TK2: variants seen among roughly 807,000 people sequenced by gnomAD.
The protein encoded by TK2 is thymidine kinase 2, mitochondrial.
A neutral mutation model predicts 41.9 loss-of-function variants in TK2; 35 were observed. That is an observed-to-expected ratio of 0.84 (90% confidence interval 0.64 to 1.11). The LOEUF (loss-of-function observed/expected upper bound fraction) is 1.11, where lower values mean the gene tolerates loss of function less well. TK2 is among the 50% of genes least tolerant of loss of function. The pLI, the probability that TK2 is intolerant of heterozygous loss-of-function variation, is 0.00. For synonymous variants in TK2, 128 were observed against 129.1 expected, an observed-to-expected ratio of 0.99 and a Z score of 0.06; for missense variants, 320 against 351.1, an observed-to-expected ratio of 0.91 and a Z score of 0.71.
At position 66,517,326 on chromosome 16, in the gene TK2, G is replaced by A. The variant is rs904724775; in HGVS notation, c.539-111C>T. On this transcript the variant is annotated intron_variant, in intron 7 of 9. Transcript: ENST00000544898. This position sits in a 1 kb window ranked among gnomAD's most constrained non-coding sequence, Gnocchi z 4.3. ...TCTGCACAGCTCGAGCAGGAAGCAG[G>A]GAGGGCCAGCTCTTGGCTTGACCAC... 1.1e-6 allele frequency: 1 copy of A among 920,502 alleles called. No homozygotes were observed. The highest frequency in any genetic ancestry group is 1.7e-5 in the Admixed American group (1 of 58,952). 57.0% of individuals were successfully genotyped at this position (920,502 alleles called of 1,614,324 possible).
rs369868888 is a variant in TK2 at position 66,511,517 on chromosome 16, C to T, written c.*451G>A. 92 of 286,732 alleles carry T rather than the reference C, an allele frequency of 3.2e-4. No homozygotes were observed. The highest frequency in any genetic ancestry group is 2.0e-3 in the African/African-American group (89 of 45,446). 17.8% of individuals were successfully genotyped at this position (286,732 alleles called of 1,614,324 possible). On this transcript the variant is annotated 3_prime_UTR_variant, in exon 10 of 10. Transcript: ENST00000544898. ...GAAAGTCTGAATGGTGCCAGCTCCACTGCACACAGGCTGTGTGACCTCTGG... is the reference window on the plus strand; with the variant it reads ...GAAAGTCTGAATGGTGCCAGCTCCATTGCACACAGGCTGTGTGACCTCTGG...
At chr16:66,548,729 C>G in intron 2 of TK2, 2 of 498,096 alleles carry the variant, frequency 4.0e-6, no homozygotes, top group East Asian at 3.3e-5. Context: ...TAAGCTTTAA[C>G]AGCCCAAATC....
chr16:66,521,953 G>A (rs1443353618), intron 6 of TK2, among the ~76,000 whole-genome samples: 4 of 152,228 alleles, frequency 2.6e-5, no homozygotes, highest in Non-Finnish European at 4.4e-5. Context: ...CCCCCAGTCT[G>A]TGCGGAATGG....
chr16:66,534,994 T>C (rs1240261450), intron 4 of TK2, among the ~76,000 whole-genome samples: 1 of 152,186 alleles, frequency 6.6e-6, no homozygotes, highest in African/African-American at 2.4e-5. Context: ...TTTCCTCATT[T>C]TTGCTTTTCA....
chr16:66,550,240 C>T, upstream of TK2: 1 of 1,605,916 alleles, frequency 6.2e-7, no homozygotes, highest in Non-Finnish European at 8.5e-7. Context: ...CCGCTGGCAG[C>T]CAGAAGCCTT....
chr16:66,529,671 C>A (rs1230669024), intron 5 of TK2, among the ~76,000 whole-genome samples: 1 of 152,186 alleles, frequency 6.6e-6, no homozygotes, highest in Non-Finnish European at 1.5e-5. Context: ...CTCTGGGAAG[C>A]AAGAGGCGCC....
chr16:66,523,867 C>T (rs1597085873), intron 6 of TK2, among the ~76,000 whole-genome samples: 1 of 152,134 alleles, frequency 6.6e-6, no homozygotes, highest in Non-Finnish European at 1.5e-5. Flanking sequence ...AAAAACCCCA[C>T]ATCTACTTTC....
intron 3 of TK2, among the ~76,000 whole-genome samples, chr16:66,539,593 T>C (rs1255679191): frequency 1.9e-5 from 2 of 105,822 alleles, no homozygotes; most frequent in Admixed American, 2.7e-4. Flanking sequence ...AGAGCAAGAC[T>C]CCATCTCAGA....
chr16:66,549,638 G>T (rs1238075055), intron 1 of TK2: 40 of 1,187,426 alleles, frequency 3.4e-5, no homozygotes, highest in Non-Finnish European at 3.8e-5. Flanking sequence ...AAGGTCGAAA[G>T]AATCGGGACA....
chr16:66,526,726 T>C (rs1964943490), intron 6 of TK2, among the ~76,000 whole-genome samples: 1 of 152,262 alleles, frequency 6.6e-6, no homozygotes, highest in East Asian at 1.9e-4. Flanking sequence ...CACTACAGTC[T>C]GGGTGACAGA....
intron 4 of TK2, among the ~76,000 whole-genome samples, chr16:66,533,237 A>AT (rs1192529779): frequency 7.2e-6 from 1 of 138,786 alleles, no homozygotes; most frequent in Non-Finnish European, 1.5e-5. Flanking sequence ...ACCCAGCTAA[A>AT]TTTTTTTGTA....
Position 66,514,745 on chromosome 16 carries a change from G to C in TK2, c.619-934C>G, listed in dbSNP as rs942346564. Among the ~76,000 whole-genome samples the C allele has an allele frequency of 6.6e-6, 1 of 152,206 alleles. No homozygotes were observed. The highest frequency in any genetic ancestry group is 1.5e-5 in the Non-Finnish European group (1 of 68,042). ...CTAATAGAAAAGGGGGAAATGTGGG[G>C]AAAAGAAAGATCAGATTGTTACTGT... On this transcript the variant is annotated intron_variant, in intron 8 of 9. Coordinates refer to ENST00000544898, the MANE Select transcript of TK2 (RefSeq NM_004614.5). The surrounding 1 kb of genome is among the most constrained non-coding windows in gnomAD (Gnocchi z 4.2).
chr16:66,540,076 T>C (rs1965410159), intron 3 of TK2, among the ~76,000 whole-genome samples: 1 of 152,214 alleles, frequency 6.6e-6, no homozygotes, highest in Non-Finnish European at 1.5e-5. Context: ...AACTCTTTCC[T>C]GCACAGCAGC....
intron 3 of TK2, among the ~76,000 whole-genome samples, chr16:66,541,487 G>A (rs540254378): frequency 5.3e-5 from 8 of 152,120 alleles, no homozygotes; most frequent in South Asian, 2.1e-4. Flanking sequence ...ATGCAATGGC[G>A]TGATCTCAGC....
chr16:66,541,823 T>A (rs1358296034), intron 3 of TK2, 56 bp downstream of exon 3: 7 of 1,584,996 alleles, frequency 4.4e-6, no homozygotes, highest in Non-Finnish European at 6.1e-6. Flanking sequence ...ACACCCTCTA[T>A]AAATTATCCC....
At position 66,528,555 on chromosome 16, in the gene TK2, C is replaced by T. The variant is rs140315155; in HGVS notation, c.449+439G>A. 2.8e-3 allele frequency among the ~76,000 whole-genome samples: 426 copies of T among 152,326 alleles called. 6 individuals are homozygous for T. The highest frequency in any genetic ancestry group is 0.024 in the Admixed American group (365 of 15,312). Reference sequence around the variant, plus strand: ...GTGATCTGCTTTGGCCAATGGAATGCTAGCAAACTTGGAGCAGAGGCCTGA... The same window carrying T: ...GTGATCTGCTTTGGCCAATGGAATGTTAGCAAACTTGGAGCAGAGGCCTGA... On this transcript the variant is annotated intron_variant, in intron 6 of 9. Transcript: ENST00000544898.
chr16:66,540,773 T>C (rs1408136037), intron 3 of TK2, among the ~76,000 whole-genome samples: 1 of 152,260 alleles, frequency 6.6e-6, no homozygotes, highest in Non-Finnish European at 1.5e-5. Context: ...GTCACACTTC[T>C]AGCCCTGCTC....
intron 4 of TK2, among the ~76,000 whole-genome samples, chr16:66,535,399 A>C (rs1471114627): frequency 6.6e-6 from 1 of 152,190 alleles, no homozygotes; most frequent in East Asian, 1.9e-4. Context: ...TTAATAACTA[A>C]GCCTGGGTTC....
Position 66,517,192 on chromosome 16 carries a change from T to C in TK2, c.562A>G (p.Thr188Ala), listed in dbSNP as rs281865495. 7.4e-6 allele frequency: 12 copies of C among 1,614,038 alleles called. No homozygotes were observed. The highest frequency in any genetic ancestry group is 8.5e-7 in the Non-Finnish European group (1 of 1,180,020). Residue 188 changes from threonine to alanine, a missense_variant, in exon 8 of 10, where the codon ACT becomes GCT. Thr to Ala is a moderately conservative substitution (Grantham distance 58). Coordinates refer to ENST00000544898, the MANE Select transcript of TK2 (RefSeq NM_004614.5). This position sits in a 1 kb window ranked among gnomAD's most constrained non-coding sequence, Gnocchi z 4.3. ...CTCTTCTTTAACCTCTGGTAACAAG[T>C]CTCAGGATTGGTCCGAAGGTAAACT... is the stretch of plus-strand genomic sequence containing the variant. The part of the protein sequence containing the change: ...LIVYLRTNPE[T>A]CYQRLKKRCR...
Sources: gnomAD v4.1 joint callset for allele counts (sites outside exome capture counted in the v4.1 genomes callset) on GRCh38, gnomAD v4.1.1 for gene constraint, Gnocchi (gnomAD v3.1) non-coding constraint, MANE v1.5 for transcripts, NCBI Gene and HGNC (gene_info 2026-07-23, HGNC 2026-07-21) for gene names.